Variants in TMEM71 observed in about 807,000 individuals in gnomAD.
The protein encoded by TMEM71 is transmembrane protein 71.
A neutral mutation model predicts 38.0 loss-of-function variants in TMEM71; 44 were observed. The observed-to-expected ratio is 1.16, with a 90% CI of 0.91 to 1.49. The LOEUF (loss-of-function observed/expected upper bound fraction) is 1.49, where lower values mean the gene tolerates loss of function less well. Ranked by LOEUF, TMEM71 falls within the 40% of genes most tolerant of loss-of-function variation. The pLI, the probability that TMEM71 is intolerant of heterozygous loss-of-function variation, is 0.00. For synonymous variants in TMEM71, 133 were observed against 122.5 expected, an observed-to-expected ratio of 1.09 and a Z score of -0.56; for missense variants, 367 against 348.6, an observed-to-expected ratio of 1.05 and a Z score of -0.42.
the TMEM71 span, among the ~76,000 whole-genome samples, chr8:132,771,976 A>C: frequency 9.9e-5 from 15 of 152,238 alleles, no homozygotes; most frequent in African/African-American, 3.6e-4. Flanking sequence ...AAAGATTTTT[A>C]TGCACATGGA....
At chr8:132,763,348 C>T (rs1005206370), upstream of TMEM71, among the ~76,000 whole-genome samples, 15 of 152,202 alleles carry the variant, frequency 9.9e-5, no homozygotes, top group African/African-American at 3.6e-4. Context: ...AAGAGTAGTG[C>T]TTCCCATATA....
intron 5 of TMEM71, 43 bp from the exon 6 acceptor site, chr8:132,728,029 TG>T: frequency 7.2e-7 from 1 of 1,390,986 alleles, no homozygotes; most frequent in Non-Finnish European, 9.9e-7. Context: ...TGTGTGTGTG[TG>T]TGTGTGTGTG....
At chr8:132,725,046 C>CTT (rs113090139) in intron 6 of TMEM71, among the ~76,000 whole-genome samples, 2,380 of 144,430 alleles carry the variant, frequency 0.016, 28 homozygotes, top group Middle Eastern at 0.047. Context: ...TCTTTTTTTT[C>CTT]TTTTTTTTTT....
intron 7 of TMEM71, among the ~76,000 whole-genome samples, chr8:132,718,913 G>T (rs567031655): frequency 6.6e-6 from 1 of 151,944 alleles, no homozygotes; most frequent in Admixed American, 6.6e-5. Context: ...AAGAGATTAC[G>T]AATAAATACA....
Position 132,751,755 on chromosome 8 carries a change from A to T in TMEM71, c.314+30T>A, listed in dbSNP as rs576012014. The T allele has an allele frequency of 4.4e-6, 7 of 1,589,360 alleles. No homozygotes were observed. In the South Asian group the frequency reaches 5.5e-5, roughly 13 times the overall value. On this transcript the variant is annotated intron_variant, in intron 4 of 9. Coordinates refer to ENST00000677595, the MANE Select transcript of TMEM71 (RefSeq NM_001382403.1). ...ACAATTAATGGATGGATTGGACTTCAGATTTCTTTCTGTAATATGCTCTGC... is the reference window on the plus strand; with the variant it reads ...ACAATTAATGGATGGATTGGACTTCTGATTTCTTTCTGTAATATGCTCTGC...
intron 3 of TMEM71, among the ~76,000 whole-genome samples, chr8:132,752,896 T>C (rs1297023431): frequency 6.7e-6 from 1 of 149,850 alleles, no homozygotes; most frequent in Non-Finnish European, 1.5e-5. Context: ...AGGAATCACA[T>C]GGCCCTATAA....
intron 5 of TMEM71, among the ~76,000 whole-genome samples, chr8:132,734,472 G>A (rs1420837754): frequency 5.9e-5 from 9 of 152,148 alleles, no homozygotes; most frequent in Non-Finnish European, 1.2e-4. Context: ...AGATGTGGAC[G>A]AGACTGTAAC....
At chr8:132,751,665 T>A in intron 4 of TMEM71, 120 bp downstream of exon 4, 1 of 945,122 alleles carries the variant, frequency 1.1e-6, no homozygotes, top group East Asian at 2.6e-5. Context: ...CCTTTGTATT[T>A]CCACAGTCTG....
At chr8:132,738,441 C>A (rs1235713305) in intron 5 of TMEM71, among the ~76,000 whole-genome samples, 1 of 152,182 alleles carries the variant, frequency 6.6e-6, no homozygotes, top group Non-Finnish European at 1.5e-5. Flanking sequence ...GGAAAATATT[C>A]TTTAAGTCTC....
rs1421185665 is a variant in TMEM71 at position 132,758,944 on chromosome 8, C to T, written c.-36-29G>A. On this transcript the variant is annotated intron_variant, in intron 1 of 9. Coordinates refer to ENST00000677595, the MANE Select transcript of TMEM71 (RefSeq NM_001382403.1). ...CAAAAGATGTTAAAAAAAAGGTGGA[C>T]TATATATTAAAAATAGAAAAATTAT... 1.3e-5 allele frequency: 18 copies of T among 1,432,792 alleles called. No homozygotes were observed. The East Asian group carries it at 1.4e-4, about 11-fold the overall frequency. The allele number at this position is 1,432,792 out of a possible 1,614,324, so 88.8% of individuals were successfully genotyped here. A position where few individuals can be genotyped will look rare whatever the true frequency, so the allele number is the denominator to read the frequency against.
intron 7 of TMEM71, 124 bp downstream of exon 7, chr8:132,721,916 C>A: frequency 1.2e-6 from 1 of 821,898 alleles, no homozygotes; most frequent in Non-Finnish European, 2.1e-6. Flanking sequence ...TGGACAGACA[C>A]ATGAACGAAT....
chr8:132,757,109 G>A (rs1829065100), intron 3 of TMEM71, 125 bp downstream of exon 3: 2 of 503,936 alleles, frequency 4.0e-6, no homozygotes, highest in Non-Finnish European at 7.5e-6. Flanking sequence ...TGTTAGCCAG[G>A]ATGGTCTCCA....
intron 5 of TMEM71, among the ~76,000 whole-genome samples, chr8:132,739,786 G>A: frequency 6.6e-6 from 1 of 152,182 alleles, no homozygotes; most frequent in East Asian, 1.9e-4. Context: ...GACAAAATGT[G>A]AAGTGCTCAG....
intron 5 of TMEM71, among the ~76,000 whole-genome samples, chr8:132,733,304 G>A (rs866435589): frequency 5.9e-5 from 9 of 152,242 alleles, no homozygotes; most frequent in East Asian, 1.9e-4. Flanking sequence ...CAGAGAATTC[G>A]GTAAGGGGTA....
chr8:132,752,122 A>T, intron 3 of TMEM71, 125 bp from the exon 4 acceptor site: 2 of 760,496 alleles, frequency 2.6e-6, no homozygotes, highest in Non-Finnish European at 4.4e-6. Context: ...TACTTCTGCA[A>T]CCATTAGGAA....
At chr8:132,771,797 T>C in the TMEM71 span, among the ~76,000 whole-genome samples, 1 of 152,130 alleles carries the variant, frequency 6.6e-6, no homozygotes, top group Non-Finnish European at 1.5e-5. Context: ...GCGGGAACAC[T>C]GGGAGAGATG....
At chr8:132,764,792 A>G (rs1197067236), upstream of TMEM71, among the ~76,000 whole-genome samples, 1 of 152,216 alleles carries the variant, frequency 6.6e-6, no homozygotes, top group Non-Finnish European at 1.5e-5. Context: ...TAATGAGCCA[A>G]GTTTCTGTCC....
intron 2 of TMEM71, chr8:132,758,019 C>T (rs930183266): frequency 1.3e-5 from 2 of 152,156 alleles, no homozygotes; most frequent in African/African-American, 4.8e-5. Flanking sequence ...GTTCTAGACT[C>T]TCCCTCATTA....
intron 4 of TMEM71, among the ~76,000 whole-genome samples, chr8:132,748,003 G>C (rs900185781): frequency 6.6e-6 from 1 of 152,136 alleles, no homozygotes; most frequent in Non-Finnish European, 1.5e-5. Flanking sequence ...GGGGTTAATC[G>C]AAGTGCACAG....
Sources: allele counts gnomAD v4.1 joint callset (sites outside exome capture counted in the v4.1 genomes callset), GRCh38; gene constraint gnomAD v4.1.1; transcripts MANE v1.5; gene names NCBI Gene and HGNC (gene_info 2026-07-23, HGNC 2026-07-21).